Variants in C1QTNF3 observed in about 807,000 individuals in gnomAD.
C1QTNF3 encodes complement C1q tumor necrosis factor-related protein 3.
Under a neutral mutation model 32.6 loss-of-function variants are expected in C1QTNF3, and 26 were observed. The observed-to-expected ratio is 0.80, with a 90% CI of 0.58 to 1.11. The LOEUF is 1.11. C1QTNF3 is among the 50% of genes least tolerant of loss of function. C1QTNF3 has a pLI of 0.00. For synonymous variants in C1QTNF3, 155 were observed against 146.0 expected (o/e 1.06, Z -0.44); for missense variants, 362 against 398.2 (o/e 0.91, Z 0.77).
chr5:34,091,395 C>G, the C1QTNF3 span, among the ~76,000 whole-genome samples: 1 of 152,192 alleles, frequency 6.6e-6, no homozygotes, highest in East Asian at 1.9e-4. Flanking sequence ...ATTTTGTTTC[C>G]TCTTTGCCTG....
At chr5:34,081,963 G>A in the C1QTNF3 span, among the ~76,000 whole-genome samples, 2 of 151,598 alleles carry the variant, frequency 1.3e-5, no homozygotes, top group Admixed American at 1.3e-4. Context: ...ATTAATTTTA[G>A]TTGAGCAAAA....
At chr5:34,026,865 T>C (rs1383994728) in intron 4 of C1QTNF3, among the ~76,000 whole-genome samples, 4 of 152,190 alleles carry the variant, frequency 2.6e-5, no homozygotes, top group African/African-American at 9.7e-5. Context: ...AATGTAGCCA[T>C]GAATTTATAC....
At chr5:34,081,071 CT>C in the C1QTNF3 span, among the ~76,000 whole-genome samples, 1 of 151,724 alleles carries the variant, frequency 6.6e-6, no homozygotes, top group South Asian at 2.1e-4. Flanking sequence ...TGTGGGGAAG[CT>C]GCCTAAACTC....
the C1QTNF3 span, among the ~76,000 whole-genome samples, chr5:34,125,496 A>AT: frequency 6.6e-6 from 1 of 152,098 alleles, no homozygotes; most frequent in Non-Finnish European, 1.5e-5. Context: ...TGAGTTTCAC[A>AT]TTTTTCTGGG....
chr5:34,122,497 T>C, the C1QTNF3 span, among the ~76,000 whole-genome samples: 1 of 152,216 alleles, frequency 6.6e-6, no homozygotes, highest in Non-Finnish European at 1.5e-5. Flanking sequence ...AGCACTGAAA[T>C]AGAATATTTG....
rs1436083022 is a variant in C1QTNF3, at chr5:34,019,178, A to G, written c.*1405T>C. Among the ~76,000 whole-genome samples, 1 of 152,168 alleles carries G rather than the reference A, an allele frequency of 6.6e-6. No homozygotes were observed. Among genetic ancestry groups the G allele is most frequent in the Non-Finnish European group, 1.5e-5 (1 of 68,030 alleles). On this transcript the variant is annotated 3_prime_UTR_variant, in exon 6 of 6. Coordinates refer to ENST00000382065, the MANE Select transcript of C1QTNF3 (RefSeq NM_181435.6). ...AGTTTGTTTATTAGATGGTACATGT[A>G]AATTTCCTATGACACCTACCTACTG...
the C1QTNF3 span, among the ~76,000 whole-genome samples, chr5:34,130,130 T>TAC: frequency 9.1e-4 from 136 of 148,634 alleles, no homozygotes; most frequent in African/African-American, 1.1e-3. Flanking sequence ...ATTTTATATA[T>TAC]ATACACACAC....
intron 1 of C1QTNF3, among the ~76,000 whole-genome samples, chr5:34,040,618 C>G (rs1754845857): frequency 6.6e-6 from 1 of 152,078 alleles, no homozygotes; most frequent in Admixed American, 6.6e-5. Context: ...ATCTGATTAC[C>G]TCACTGTCCT....
the C1QTNF3 span, among the ~76,000 whole-genome samples, chr5:34,227,096 ACAT>A: frequency 2.0e-5 from 3 of 150,280 alleles, no homozygotes; most frequent in African/African-American, 7.3e-5. Flanking sequence ...ATTGCACTAG[ACAT>A]CATGAATAAT....
chr5:34,146,471 G>A, the C1QTNF3 span, among the ~76,000 whole-genome samples: 3 of 152,226 alleles, frequency 2.0e-5, no homozygotes, highest in Admixed American at 1.3e-4. Context: ...AAACACACAT[G>A]TAGATCAATG....
chr5:34,118,987 T>C, the C1QTNF3 span, among the ~76,000 whole-genome samples: 2 of 152,180 alleles, frequency 1.3e-5, no homozygotes, highest in Admixed American at 6.5e-5. Flanking sequence ...CACATATTTG[T>C]ATGCAGACAA....
the C1QTNF3 span, among the ~76,000 whole-genome samples, chr5:34,063,112 AG>A: frequency 6.6e-6 from 1 of 152,158 alleles, no homozygotes; most frequent in Non-Finnish European, 1.5e-5. Context: ...GGAGTGTTAT[AG>A]GGTCATGGAG....
the C1QTNF3 span, chr5:34,169,141 C>T: frequency 2.6e-5 from 4 of 152,140 alleles, no homozygotes; most frequent in Non-Finnish European, 5.9e-5. Context: ...TCTTGGATTT[C>T]CAGCCTGCAG....
the C1QTNF3 span, among the ~76,000 whole-genome samples, chr5:34,226,432 C>T: frequency 7.4e-6 from 1 of 135,832 alleles, no homozygotes; most frequent in Non-Finnish European, 1.6e-5. Flanking sequence ...AAGACTGGTA[C>T]AATAACTATC....
At chr5:34,055,042 C>T in the C1QTNF3 span, among the ~76,000 whole-genome samples, 8 of 152,116 alleles carry the variant, frequency 5.3e-5, no homozygotes, top group Admixed American at 1.3e-4. Flanking sequence ...GACCAGGCTT[C>T]GAAAAATGCA....
the C1QTNF3 span, among the ~76,000 whole-genome samples, chr5:34,213,743 GTGTGTA>G: frequency 1.2e-4 from 13 of 104,322 alleles, no homozygotes; most frequent in Non-Finnish European, 1.7e-4. Flanking sequence ...TATATATAGT[GTGTGTA>G]TATATATATA....
At chr5:34,106,966 T>C in the C1QTNF3 span, among the ~76,000 whole-genome samples, 1 of 101,466 alleles carries the variant, frequency 9.9e-6, no homozygotes, top group African/African-American at 4.5e-5. Flanking sequence ...CCTAATTTGT[T>C]TTATTATAAA....
At chr5:34,056,479 T>TATATAGAGAGAGAG in the C1QTNF3 span, among the ~76,000 whole-genome samples, 1 of 51,756 alleles carries the variant, frequency 1.9e-5, no homozygotes, top group Non-Finnish European at 3.4e-5. Context: ...TATATATATA[T>TATATAGAGAGAGAG]AGAGAGAGAG....
the C1QTNF3 span, among the ~76,000 whole-genome samples, chr5:34,069,548 T>C: frequency 6.6e-6 from 1 of 152,208 alleles, no homozygotes; most frequent in African/African-American, 2.4e-5. Context: ...TGACCTCAGT[T>C]AACTATGACA....
Sources: gnomAD v4.1 joint callset for allele counts (sites outside exome capture counted in the v4.1 genomes callset) on GRCh38, gnomAD v4.1.1 for gene constraint, MANE v1.5 for transcripts, NCBI Gene and HGNC (gene_info 2026-07-23, HGNC 2026-07-21) for gene names.